Variants in WDR64 observed in about 807,000 individuals in gnomAD.
WDR64 encodes the protein WD repeat-containing protein 64.
WDR64 carries 112 observed loss-of-function variants against 139.3 expected under a neutral mutation model. That is an observed-to-expected ratio of 0.80 (90% CI 0.69 to 0.94). The LOEUF (loss-of-function observed/expected upper bound fraction) is 0.94, where lower values mean the gene tolerates loss of function less well. Ranked by LOEUF, WDR64 falls within the 40% of genes least tolerant of loss-of-function variation. The pLI is 0.00. For missense variants in WDR64, 1,206 were observed against 1,293.1 expected (o/e 0.93, Z 1.03); for synonymous variants, 444 against 437.7 (o/e 1.01, Z -0.18).
chr1:241,792,706 C>A (rs1287359156), intron 25 of WDR64, among the ~76,000 whole-genome samples: 1 of 152,134 alleles, frequency 6.6e-6, no homozygotes, highest in East Asian at 1.9e-4. Flanking sequence ...AGCCCTTCCT[C>A]CACAGAAGCC....
chr1:241,674,489 G>C (rs1188850478), intron 3 of WDR64, among the ~76,000 whole-genome samples, 155 bp from the exon 4 acceptor site: 1 of 151,774 alleles, frequency 6.6e-6, no homozygotes, highest in African/African-American at 2.4e-5. Flanking sequence ...TCCTGGACTT[G>C]AGCAATCCAC....
At chr1:241,663,669 C>T (rs760119447) in intron 2 of WDR64, among the ~76,000 whole-genome samples, 1 of 152,190 alleles carries the variant, frequency 6.6e-6, no homozygotes, top group Non-Finnish European at 1.5e-5. Flanking sequence ...CTGTGCTGTC[C>T]GACAAAGTGG....
In WDR64 at chr1:241,802,083, TAAAC is replaced by T; in HGVS notation, c.*871_*874del. 2 of 397,528 alleles carry T rather than the reference TAAAC, an allele frequency of 5.0e-6. No individual in the cohort carries two copies. The highest frequency in any genetic ancestry group is 7.2e-5 in the East Asian group (2 of 27,898). The allele number at this position is 397,528 out of a possible 1,614,324, so 24.6% of individuals were successfully genotyped here. On this transcript the variant is annotated 3_prime_UTR_variant, in exon 28 of 28. Coordinates refer to ENST00000437684, the MANE Select transcript of WDR64 (RefSeq NM_001367482.1). ...AATATTAAAATACACTTTAAGAAAA[TAAAC>T]AAGAATCTTTATAAAAGTTTTATAA...
At chr1:241,664,157 A>G (rs924075928) in intron 2 of WDR64, among the ~76,000 whole-genome samples, 2 of 152,196 alleles carry the variant, frequency 1.3e-5, no homozygotes, top group African/African-American at 2.4e-5. Flanking sequence ...AATCTCTATC[A>G]CACTTTGTAA....
chr1:241,777,639 A>C (rs1031103016), intron 21 of WDR64, among the ~76,000 whole-genome samples: 22 of 151,950 alleles, frequency 1.4e-4, no homozygotes, highest in African/African-American at 4.3e-4. Flanking sequence ...GCTGGTTTCG[A>C]ACTCCTGACC....
At chr1:241,712,019 G>C in intron 9 of WDR64, 138 bp downstream of exon 9, 2 of 842,044 alleles carry the variant, frequency 2.4e-6, no homozygotes, top group Middle Eastern at 2.3e-4. Flanking sequence ...TTTCTTTCTG[G>C]CGTCTGGATT....
rs114265843 is a variant in WDR64, at chr1:241,767,249, T to A, written c.2081+898T>A. Among the ~76,000 whole-genome samples the A allele has an allele frequency of 3.7e-3, 560 of 152,296 alleles. 4 individuals carry two copies. The highest frequency in any genetic ancestry group is 0.013 in the African/African-American group (533 of 41,570). ...AGATTGGGGCTAACAAGGGCCAATGTTGTAGATGCAATTATTCCTCTCAAC... is the reference window on the plus strand; with the variant it reads ...AGATTGGGGCTAACAAGGGCCAATGATGTAGATGCAATTATTCCTCTCAAC... On this transcript the variant is annotated intron_variant, in intron 16 of 27. Transcript: ENST00000437684.
At chr1:241,741,494 G>T in intron 11 of WDR64, 22 bp from the exon 12 acceptor site, 2 of 1,572,538 alleles carry the variant, frequency 1.3e-6, no homozygotes, top group South Asian at 1.2e-5. Flanking sequence ...GCATATTTAT[G>T]AGATTCTTAC....
chr1:241,797,248 C>T (rs537413527), intron 27 of WDR64, among the ~76,000 whole-genome samples: 1 of 152,264 alleles, frequency 6.6e-6, no homozygotes, highest in African/African-American at 2.4e-5. Flanking sequence ...CCAAAGATCA[C>T]ATACAAATGA....
At chr1:241,680,592 T>C (rs1666745604) in intron 6 of WDR64, among the ~76,000 whole-genome samples, 1 of 152,176 alleles carries the variant, frequency 6.6e-6, no homozygotes, top group Non-Finnish European at 1.5e-5. Context: ...CCGTCAACTC[T>C]TCTCTTCTTC....
chr1:241,758,276 T>C (rs1321167160), intron 15 of WDR64, among the ~76,000 whole-genome samples: 1 of 151,832 alleles, frequency 6.6e-6, no homozygotes, highest in Non-Finnish European at 1.5e-5. Flanking sequence ...ATAGGTGCTG[T>C]CCTGTATTCC....
At chr1:241,654,366 C>T (rs926318305) in intron 1 of WDR64, among the ~76,000 whole-genome samples, 7 of 152,218 alleles carry the variant, frequency 4.6e-5, no homozygotes, top group Admixed American at 4.6e-4. Context: ...TCAGGTCTGG[C>T]TTCTCTGATC....
In WDR64 at chr1:241,802,406, GAGAGATTT is replaced by G. The variant is rs979319783; in HGVS notation, c.*1203_*1210del. On this transcript the variant is annotated 3_prime_UTR_variant, in exon 28 of 28. Coordinates refer to ENST00000437684, the MANE Select transcript of WDR64 (RefSeq NM_001367482.1). Reference sequence around the variant, plus strand: ...TCTGGAAGAGAGGGCAAATATCACAGAGAGATTTAGAGATTTAGAAGGGGTATGAAAGA... The same window carrying G: ...TCTGGAAGAGAGGGCAAATATCACAGAGAGATTTAGAAGGGGTATGAAAGA... 1.3e-5 allele frequency among the ~76,000 whole-genome samples: 2 copies of G among 152,258 alleles called. No individual in the cohort carries two copies. Among genetic ancestry groups the G allele is most frequent in the Admixed American group, 6.5e-5 (1 of 15,288 alleles).
At chr1:241,718,012 T>C (rs1476007681) in intron 9 of WDR64, among the ~76,000 whole-genome samples, 3 of 152,228 alleles carry the variant, frequency 2.0e-5, no homozygotes, top group Admixed American at 6.5e-5. Flanking sequence ...AAAACTCAGA[T>C]GCAGAGAGGC....
chr1:241,775,990 T>G (rs1178679201), intron 21 of WDR64, among the ~76,000 whole-genome samples: 2 of 152,194 alleles, frequency 1.3e-5, no homozygotes, highest in Non-Finnish European at 2.9e-5. Context: ...CTTAAATGCT[T>G]ACATTTCAAA....
At position 241,766,254 on chromosome 1, in the gene WDR64, G is replaced by C. The variant is rs1658160101; in HGVS notation, c.1984G>C (p.Asp662His). ...GGATTTATTACGAGTGAACTGCATT[G>C]ATTTACTACAAGTAGAAGGATATAA... ...TMDLLRVNCI[D>H]LLQVEGYNLI... The change falls in exon 16 of 28, where the codon GAT (aspartate) becomes CAT (histidine). Residue 662 changes from aspartate (D) to histidine (H), a missense_variant. By Grantham distance (81) the Asp-to-His change is moderately conservative. Coordinates refer to ENST00000437684, the MANE Select transcript of WDR64 (RefSeq NM_001367482.1). 6.2e-7 allele frequency: 1 copy of C among 1,614,046 alleles called. No homozygotes were observed. Among genetic ancestry groups the C allele is most frequent in the Non-Finnish European group, 8.5e-7 (1 of 1,179,990 alleles).
intron 1 of WDR64, among the ~76,000 whole-genome samples, chr1:241,654,463 T>C (rs1665495334): frequency 6.6e-6 from 1 of 152,256 alleles, no homozygotes; most frequent in Admixed American, 6.5e-5. Flanking sequence ...TCCAGCCTAC[T>C]TGGCCATTGC....
chr1:241,715,379 G>C (rs922560588), intron 9 of WDR64, among the ~76,000 whole-genome samples: 1 of 152,174 alleles, frequency 6.6e-6, no homozygotes, highest in African/African-American at 2.4e-5. Context: ...GCTCCTTCCT[G>C]AGTTAATGAC....
chr1:241,654,230 CA>C (rs918710327), intron 1 of WDR64, among the ~76,000 whole-genome samples: 1 of 152,208 alleles, frequency 6.6e-6, no homozygotes, highest in African/African-American at 2.4e-5. Context: ...TTTGTCCTCT[CA>C]GTCTAAAAAT....
Sources: allele counts gnomAD v4.1 joint callset (sites outside exome capture counted in the v4.1 genomes callset), GRCh38; gene constraint gnomAD v4.1.1; transcripts MANE v1.5; gene names NCBI Gene and HGNC (gene_info 2026-07-23, HGNC 2026-07-21).